SYT1: variants seen among roughly 807,000 people sequenced by gnomAD.
The protein encoded by SYT1 is synaptotagmin-1.
SYT1 carries 8 observed loss-of-function variants against 44.8 expected under a neutral mutation model. That is an observed-to-expected ratio of 0.18 (90% confidence interval 0.10 to 0.32). The LOEUF is 0.32. Ranked by LOEUF, SYT1 falls within the 10% of genes least tolerant of loss-of-function variation. The pLI is 1.00. For synonymous variants in SYT1, 154 were observed against 188.8 expected, an observed-to-expected ratio of 0.82 and a Z score of 1.51; for missense variants, 286 against 509.3, an observed-to-expected ratio of 0.56 and a Z score of 4.22.
At chr12:78,948,968 ATAT>A in intron 1 of SYT1, among the ~76,000 whole-genome samples, 1 of 136,372 alleles carries the variant, frequency 7.3e-6, no homozygotes, top group Middle Eastern at 4.1e-3. Flanking sequence ...ATATTATATT[ATAT>A]TATATTATAT....
At chr12:79,284,174 T>G (rs1879189054) in intron 4 of SYT1, among the ~76,000 whole-genome samples, 1 of 152,096 alleles carries the variant, frequency 6.6e-6, no homozygotes, top group South Asian at 2.1e-4. Flanking sequence ...TATGAATACT[T>G]CCCTTCCAAT....
At chr12:79,220,111 A>G (rs1875066292) in intron 4 of SYT1, among the ~76,000 whole-genome samples, 2 of 152,052 alleles carry the variant, frequency 1.3e-5, no homozygotes, top group Non-Finnish European at 2.9e-5. Flanking sequence ...TTACTGATCT[A>G]TTAAGATACT....
At chr12:79,101,962 A>C (rs1565807159) in intron 3 of SYT1, among the ~76,000 whole-genome samples, 1 of 151,932 alleles carries the variant, frequency 6.6e-6, no homozygotes, top group Non-Finnish European at 1.5e-5. Flanking sequence ...ATTAAATAGT[A>C]TTTTTCATTT....
intron 9 of SYT1, chr12:79,393,249 G>A (rs563553657): frequency 6.6e-6 from 1 of 152,274 alleles, no homozygotes; most frequent in South Asian, 2.1e-4. Flanking sequence ...ATGGTGAATA[G>A]TGCCAAAATA....
At position 79,178,969 on chromosome 12, in the gene SYT1, T is replaced by TATAGATATATAG. The variant is rs1555204670; in HGVS notation, c.-17-38531_-17-38530insGATATATAGATA. Among the ~76,000 whole-genome samples, 3 of 46,852 alleles carry TATAGATATATAG rather than the reference T, an allele frequency of 6.4e-5. 1 individual carries two copies. The highest frequency in any genetic ancestry group is 3.0e-4 in the African/African-American group (3 of 10,080). 30.7% of individuals were successfully genotyped at this position (46,852 alleles called of 152,430 possible). A position where few individuals can be genotyped will look rare whatever the true frequency, so the allele number is the denominator to read the frequency against. ...ATATAGATATAGATATAGATATAGA[T>TATAGATATATAG]ATATAGATATAGATATATCTATATA... On this transcript the variant is annotated intron_variant, in intron 3 of 10. Transcript: ENST00000261205.
intron 5 of SYT1, chr12:79,291,749 G>A (rs1193872023): frequency 3.6e-6 from 2 of 561,842 alleles, no homozygotes; most frequent in Non-Finnish European, 6.7e-6. Context: ...TTGCAACAAT[G>A]TTACATTTTT....
intron 3 of SYT1, among the ~76,000 whole-genome samples, chr12:79,052,669 A>C (rs1215908686): frequency 1.1e-5 from 1 of 89,496 alleles, no homozygotes; most frequent in African/African-American, 2.8e-5. Context: ...AGAAAAAAAC[A>C]AACAACCCCA....
chr12:79,173,005 AAG>A (rs1871633253), intron 3 of SYT1, among the ~76,000 whole-genome samples: 6 of 139,776 alleles, frequency 4.3e-5, no homozygotes, highest in East Asian at 2.0e-4. Context: ...AAAAAAAAAA[AAG>A]GGAGTTTGGC....
intron 3 of SYT1, among the ~76,000 whole-genome samples, chr12:79,067,136 T>C (rs1163081744): frequency 6.6e-6 from 1 of 152,288 alleles, no homozygotes; most frequent in East Asian, 1.9e-4. Context: ...GCTTACAAAA[T>C]AGACATGCTT....
At chr12:79,274,234 T>A (rs1045190117) in intron 4 of SYT1, among the ~76,000 whole-genome samples, 8 of 152,086 alleles carry the variant, frequency 5.3e-5, no homozygotes, top group African/African-American at 1.9e-4. Context: ...GCTTTGCGGG[T>A]CAATCCAGGA....
chr12:79,317,124 A>C (rs988757562), intron 8 of SYT1, among the ~76,000 whole-genome samples: 1 of 152,184 alleles, frequency 6.6e-6, no homozygotes, highest in Admixed American at 6.5e-5. Context: ...GGGGAAAACA[A>C]TCCATTGTTT....
chr12:79,004,047 A>T (rs1168692334), intron 2 of SYT1, among the ~76,000 whole-genome samples: 1 of 151,770 alleles, frequency 6.6e-6, no homozygotes, highest in African/African-American at 2.4e-5. Context: ...ATATCTAATG[A>T]CCCTCCTTTT....
intron 3 of SYT1, among the ~76,000 whole-genome samples, chr12:79,182,330 G>T (rs776571588): frequency 4.0e-5 from 6 of 151,854 alleles, no homozygotes; most frequent in Non-Finnish European, 8.8e-5. Flanking sequence ...GGGACACTTT[G>T]GTGTCATGGT....
chr12:79,110,293 G>T (rs1878943328), intron 3 of SYT1, among the ~76,000 whole-genome samples: 1 of 152,002 alleles, frequency 6.6e-6, no homozygotes, highest in African/African-American at 2.4e-5. Context: ...TTTTCTGTTA[G>T]GTTTTCTCTG....
At chr12:79,065,286 A>G (rs2137869682) in intron 3 of SYT1, among the ~76,000 whole-genome samples, 1 of 152,272 alleles carries the variant, frequency 6.6e-6, no homozygotes, top group East Asian at 1.9e-4. Context: ...AGGGAAGCTG[A>G]AGTGGGAGGG....
intron 2 of SYT1, chr12:78,995,779 A>G (rs1457729139): frequency 6.6e-6 from 1 of 152,174 alleles, no homozygotes; most frequent in African/African-American, 2.4e-5. Context: ...CTCCGTGCCC[A>G]ATTCCTGCAG....
chr12:78,967,216 T>C (rs1868270686), intron 1 of SYT1, among the ~76,000 whole-genome samples: 1 of 152,180 alleles, frequency 6.6e-6, no homozygotes, highest in Non-Finnish European at 1.5e-5. Flanking sequence ...GAATTAATAA[T>C]CTGACGGCAA....
rs71091652 is a variant in SYT1, at chr12:79,214,941, ATGTGTGTGTGTGTG to A, written c.-17-2536_-17-2523del. Among the ~76,000 whole-genome samples, 27 of 148,552 alleles carry A rather than the reference ATGTGTGTGTGTGTG, an allele frequency of 1.8e-4. 1 individual carries two copies. The highest frequency in any genetic ancestry group is 5.7e-4 in the African/African-American group (23 of 40,444). ...TACGTGCCTGTAATAATGTGTGTAT[ATGTGTGTGTGTGTG>A]TGTGTGTGTGTGTGTGTGTGTGTGT... On this transcript the variant is annotated intron_variant, in intron 3 of 10. Transcript: ENST00000261205.
intron 1 of SYT1, among the ~76,000 whole-genome samples, chr12:78,900,077 T>C (rs1875578965): frequency 6.6e-6 from 1 of 152,060 alleles, no homozygotes; most frequent in African/African-American, 2.4e-5. Context: ...AAATAAATGG[T>C]CATTGAAAAT....
Sources: allele counts gnomAD v4.1 joint callset (sites outside exome capture counted in the v4.1 genomes callset), GRCh38; gene constraint gnomAD v4.1.1; transcripts MANE v1.5; gene names NCBI Gene and HGNC (gene_info 2026-07-23, HGNC 2026-07-21).